C12orf56: variants seen among roughly 807,000 people sequenced by gnomAD.
C12orf56 encodes the protein chromosome 12 open reading frame 56.
Under a neutral mutation model 69.9 loss-of-function variants are expected in C12orf56, and 71 were observed. The ratio of observed to expected loss-of-function variants is 1.02; its 90% CI spans 0.84 to 1.24. C12orf56 has a LOEUF of 1.24. Among genes scored for constraint, C12orf56 ranks in the 50% most tolerant of loss-of-function variants. The pLI is 0.00. For missense variants in C12orf56, 732 were observed against 738.5 expected, an observed-to-expected ratio of 0.99 and a Z score of 0.10; for synonymous variants, 276 against 274.1, an observed-to-expected ratio of 1.01 and a Z score of -0.07.
intron 2 of C12orf56, chr12:64,338,133 C>G: frequency 1.9e-6 from 1 of 523,512 alleles, no homozygotes. Context: ...TTCCACATCA[C>G]AGCAGGAGAG....
rs117821367 is a variant in C12orf56 at position 64,350,905 on chromosome 12, G to A, written c.415+1989C>T. 1.1e-4 allele frequency among the ~76,000 whole-genome samples: 17 copies of A among 151,886 alleles called. No homozygotes were observed. In the East Asian group the frequency reaches 3.3e-3, roughly 29 times the overall value. ...ATGATTTGTTTTTAACAAAAAATGA[G>A]GACTGGGGAGAAAGAAATTATATTT... On this transcript the variant is annotated intron_variant, in intron 2 of 12. Coordinates refer to ENST00000543942, the MANE Select transcript of C12orf56 (RefSeq NM_001170633.2).
At position 64,274,900 on chromosome 12, in the gene C12orf56, C is replaced by T. The variant is rs750571502; in HGVS notation, c.1584+1G>A. 6.9e-6 allele frequency: 11 copies of T among 1,604,142 alleles called. No individual in the cohort carries two copies. Among genetic ancestry groups the T allele is most frequent in the Admixed American group, 3.3e-5 (2 of 59,892 alleles). ...TTTCGTTTTGACTTCTAGATACTTA[C>T]GATGGGAGGACAGCTTTGTAGAAAG... On this transcript the variant is annotated splice_donor_variant, in intron 11 of 12. Transcript: ENST00000543942. LOFTEE classifies it high-confidence loss of function.
At position 64,353,014 on chromosome 12, in the gene C12orf56, TTTCTC is replaced by T; in HGVS notation, c.290_294del (p.Arg97AsnfsTer19). The T allele has an allele frequency of 1.9e-6, 3 of 1,611,290 alleles. No individual in the cohort carries two copies. Among genetic ancestry groups the T allele is most frequent in the Non-Finnish European group, 2.5e-6 (3 of 1,179,284 alleles). The stretch of plus-strand genomic sequence containing the variant: ...TAGATGATACGAATGTGTTGGCTGA[TTTCTC>T]TATCTGGCGAACTCAAAAATTCCGG... On this transcript the variant is annotated frameshift_variant, in exon 2 of 13. Transcript: ENST00000543942. LOFTEE classifies it high-confidence loss of function.
chr12:64,341,740 A>C lies in C12orf56; in HGVS notation c.416-10708T>G, dbSNP rs543537938. 4.4e-4 allele frequency among the ~76,000 whole-genome samples: 67 copies of C among 152,278 alleles called. No homozygotes were observed. The South Asian group carries it at 0.013, about 31-fold the overall frequency. On this transcript the variant is annotated intron_variant, in intron 2 of 12. Transcript: ENST00000543942. ...CAAACCTCTGCCCTTTCCATGATGG[A>C]AAAGGCCTAATATAATCAACCTGCC...
intron 11 of C12orf56, 57 bp downstream of exon 11, chr12:64,274,844 A>C: frequency 6.0e-6 from 8 of 1,334,938 alleles, no homozygotes; most frequent in Non-Finnish European, 7.4e-6. Flanking sequence ...ATTAAGCACA[A>C]GAGTATCTGT....
chr12:64,340,284 G>A (rs1849109309), intron 2 of C12orf56, among the ~76,000 whole-genome samples: 2 of 151,970 alleles, frequency 1.3e-5, no homozygotes, highest in South Asian at 4.2e-4. Flanking sequence ...AATAAGCGTG[G>A]GTCTGCCTTC....
chr12:64,331,610 C>T (rs934332038), intron 2 of C12orf56, among the ~76,000 whole-genome samples: 4 of 152,116 alleles, frequency 2.6e-5, no homozygotes, highest in Admixed American at 1.3e-4. Flanking sequence ...AAAAGGTTGA[C>T]GGGAGTGCCC....
chr12:64,267,269 C>G lies in C12orf56; in HGVS notation c.1783G>C (p.Ala595Pro). The change falls in exon 13 of 13, where the codon GCC (alanine) becomes CCC (proline). Residue 595 changes from alanine to proline, a missense_variant. Ala to Pro is a conservative substitution (Grantham distance 27, BLOSUM62 -1). Transcript: ENST00000543942. ...CACAATGGGAGCCTTTTCTGCAAGG[C>G]TGGCATGTGAATAAAGTACCTGCAA... ...EEFRYFIHMPALQKRLPLCYP... is the reference protein window; with the variant it reads ...EEFRYFIHMPPLQKRLPLCYP... 8.7e-6 allele frequency: 14 copies of G among 1,610,540 alleles called. No homozygotes were observed. The highest frequency in any genetic ancestry group is 1.2e-5 in the Non-Finnish European group (14 of 1,178,572).
At chr12:64,275,200 T>C in intron 10 of C12orf56, 98 bp downstream of exon 10, 1 of 731,952 alleles carries the variant, frequency 1.4e-6, no homozygotes, top group Non-Finnish European at 2.2e-6. Context: ...ATTAATCATA[T>C]AACATAATCA....
At chr12:64,279,887 G>A (rs1488462145) in intron 8 of C12orf56, among the ~76,000 whole-genome samples, 1 of 152,094 alleles carries the variant, frequency 6.6e-6, no homozygotes, top group East Asian at 1.9e-4. Flanking sequence ...GTTTGAACTG[G>A]CATTCCATTC....
chr12:64,295,837 C>G (rs1005829607), intron 6 of C12orf56, among the ~76,000 whole-genome samples: 7 of 150,900 alleles, frequency 4.6e-5, no homozygotes, highest in Non-Finnish European at 8.8e-5. Context: ...ATATATCACT[C>G]TATATTATAG....
intron 2 of C12orf56, chr12:64,352,440 T>C (rs2039241781): frequency 6.6e-6 from 1 of 152,554 alleles, no homozygotes; most frequent in African/African-American, 2.4e-5. Context: ...ATTCTTATTC[T>C]AATGGCAGCT....
intron 8 of C12orf56, among the ~76,000 whole-genome samples, chr12:64,281,560 A>C (rs2038128471): frequency 6.6e-6 from 1 of 152,134 alleles, no homozygotes; most frequent in Non-Finnish European, 1.5e-5. Flanking sequence ...TGACAGAGTG[A>C]GACTCCATCT....
chr12:64,317,969 C>T (rs1278485563), intron 4 of C12orf56, among the ~76,000 whole-genome samples: 4 of 152,112 alleles, frequency 2.6e-5, no homozygotes, highest in African/African-American at 9.7e-5. Flanking sequence ...CAAAAGACCA[C>T]CTGCTCACAC....
intron 6 of C12orf56, among the ~76,000 whole-genome samples, chr12:64,297,545 G>T (rs762412149): frequency 6.6e-6 from 1 of 151,934 alleles, no homozygotes; most frequent in East Asian, 1.9e-4. Flanking sequence ...TCCCCCGTCC[G>T]CCGACAGGCC....
intron 2 of C12orf56, among the ~76,000 whole-genome samples, chr12:64,350,121 A>G (rs1267465070): frequency 6.6e-6 from 1 of 151,062 alleles, no homozygotes; most frequent in African/African-American, 2.4e-5. Context: ...AGAATGATAC[A>G]ACGGACTTTG....
chr12:64,348,816 T>C (rs1011696511), intron 2 of C12orf56, among the ~76,000 whole-genome samples: 12 of 152,336 alleles, frequency 7.9e-5, no homozygotes, highest in Middle Eastern at 3.4e-3. Context: ...AAGGATGGTT[T>C]ATAATCAGCT....
intron 8 of C12orf56, among the ~76,000 whole-genome samples, chr12:64,284,309 T>C (rs560872989): frequency 2.0e-5 from 3 of 152,338 alleles, no homozygotes; most frequent in Admixed American, 2.0e-4. Context: ...ACACCTGATT[T>C]TGCAGTTTTT....
At chr12:64,332,850 C>T (rs950159080) in intron 2 of C12orf56, among the ~76,000 whole-genome samples, 14 of 152,306 alleles carry the variant, frequency 9.2e-5, no homozygotes, top group Non-Finnish European at 1.5e-4. Flanking sequence ...AGAACAGGCA[C>T]CTGGGCTCCT....
Sources: allele counts gnomAD v4.1 joint callset (sites outside exome capture counted in the v4.1 genomes callset), GRCh38; gene constraint gnomAD v4.1.1; transcripts MANE v1.5; gene names NCBI Gene and HGNC (gene_info 2026-07-23, HGNC 2026-07-21).